The following NRK variants were observed in gnomAD, a reference collection of about 807,000 sequenced individuals.
NRK encodes the protein Nik related kinase, also known as nik-related protein kinase.
A neutral mutation model predicts 125.2 loss-of-function variants in NRK; 67 were observed. The observed-to-expected ratio is 0.54, with a 90% CI of 0.44 to 0.66. The LOEUF (loss-of-function observed/expected upper bound fraction) is 0.66, where lower values mean the gene tolerates loss of function less well. Ranked by LOEUF, NRK falls within the 30% of genes least tolerant of loss-of-function variation. The pLI is 0.00. For missense variants in NRK, 1,224 were observed against 1,192.9 expected (o/e 1.03, Z -0.38); for synonymous variants, 458 against 429.0 (o/e 1.07, Z -0.84).
intron 16 of NRK, among the ~76,000 whole-genome samples, chrX:105,918,312 TCATGCAATCTGGCATTATCCA>T (rs2147760274): frequency 9.0e-6 from 1 of 111,544 alleles, no homozygotes; most frequent in Admixed American, 9.6e-5. Flanking sequence ...GTGCCATGGA[TCATGCAATCTGGCATTATCCA>T]GTTTTAAGCA....
intron 2 of NRK, among the ~76,000 whole-genome samples, chrX:105,876,704 A>G (rs1364714443): frequency 8.9e-6 from 1 of 112,140 alleles, no homozygotes; most frequent in East Asian, 2.8e-4. Context: ...TGTTTAACAC[A>G]AATGTTGTTA....
At chrX:105,851,977 G>C (rs1319811040) in intron 2 of NRK, among the ~76,000 whole-genome samples, 1 of 111,978 alleles carries the variant, frequency 8.9e-6, no homozygotes, top group South Asian at 3.7e-4. Context: ...GATTGATTTG[G>C]CCCATTCAGT....
chrX:105,891,962 T>A (rs1363846733), intron 5 of NRK, among the ~76,000 whole-genome samples: 1 of 112,141 alleles, frequency 8.9e-6, no homozygotes, highest in East Asian at 2.8e-4. Flanking sequence ...CTTACAAGTT[T>A]TTTTTTCCTC....
At chrX:105,887,895 CT>C (rs1341292745) in intron 4 of NRK, among the ~76,000 whole-genome samples, 1 of 111,808 alleles carries the variant, frequency 8.9e-6, no homozygotes, top group Non-Finnish European at 1.9e-5. Flanking sequence ...GATTGCACAA[CT>C]GTATAAATAT....
chrX:105,877,993 T>C (rs2039836604), intron 2 of NRK, among the ~76,000 whole-genome samples: 1 of 111,229 alleles, frequency 9.0e-6, no homozygotes, highest in African/African-American at 3.3e-5. Context: ...GCTAATATTT[T>C]TGATAACCTG....
chrX:105,906,050 T>C (rs2040215124), intron 10 of NRK, among the ~76,000 whole-genome samples: 1 of 111,861 alleles, frequency 8.9e-6, no homozygotes, highest in South Asian at 3.7e-4. Context: ...AAATGAAAAA[T>C]ACAGAGTATG....
chrX:105,882,691 T>C (rs1162426816), intron 4 of NRK, among the ~76,000 whole-genome samples: 8 of 111,174 alleles, frequency 7.2e-5, no homozygotes, highest in African/African-American at 2.6e-4. Context: ...TTTCTAGTTA[T>C]ATTAGAAAGA....
At chrX:105,861,828 G>A (rs2039604634) in intron 2 of NRK, among the ~76,000 whole-genome samples, 1 of 111,523 alleles carries the variant, frequency 9.0e-6, no homozygotes, top group South Asian at 3.8e-4. Context: ...GGAGGCCAAG[G>A]CGGGCAGATC....
intron 19 of NRK, among the ~76,000 whole-genome samples, chrX:105,927,034 C>T (rs1602682231): frequency 9.0e-6 from 1 of 110,776 alleles, no homozygotes; most frequent in South Asian, 3.8e-4. Flanking sequence ...TTGGTATTTT[C>T]ATAAGGATTG....
At position 105,946,340 on chromosome X, in the gene NRK, C is replaced by T. The variant is rs1602702654; in HGVS notation, c.4229C>T (p.Pro1410Leu). Reference protein sequence around the residue: ...LKVFPTLDHKPVTVDLAIGSE... With the variant: ...LKVFPTLDHKLVTVDLAIGSE... ...GTATTTCCAACACTTGATCATAAGC[C>T]AGTGACAGTTGACCTGGCTATTGGT... Residue 1410 changes from proline (P) to leucine (L), a missense_variant, in exon 26 of 29, where the codon CCA (proline) becomes CTA (leucine). Pro to Leu is a moderately conservative substitution (Grantham distance 98). Transcript: ENST00000243300. The T allele has an allele frequency of 8.3e-7, 1 of 1,203,908 alleles. No individual in the cohort carries two copies. Among genetic ancestry groups the T allele is most frequent in the Non-Finnish European group, 1.1e-6 (1 of 889,421 alleles).
In NRK at chrX:105,867,659, A is replaced by G. The variant is rs765356663; in HGVS notation, c.124-12540A>G. Among the ~76,000 whole-genome samples, 5 of 111,682 alleles carry G rather than the reference A, an allele frequency of 4.5e-5. No individual in the cohort carries two copies. The South Asian group carries it at 1.9e-3, about 41-fold the overall frequency. The stretch of plus-strand genomic sequence containing the variant: ...TAATTCAATCAGCTTGTTATACCAG[A>G]TATTTTCGTTATATCTCCCAAATAT... On this transcript the variant is annotated intron_variant, in intron 2 of 28. Transcript: ENST00000243300.
chrX:105,834,450 C>CGTGT (rs751513572), intron 2 of NRK, among the ~76,000 whole-genome samples: 7 of 105,238 alleles, frequency 6.7e-5, no homozygotes, highest in Non-Finnish European at 1.4e-4. Context: ...GAGGTGTGTG[C>CGTGT]GTGTGTGTGT....
intron 2 of NRK, among the ~76,000 whole-genome samples, chrX:105,867,677 C>T (rs113933544): frequency 0.013 from 1,468 of 111,393 alleles, 18 homozygotes; most frequent in Non-Finnish European, 0.024. Flanking sequence ...GTTATATCTC[C>T]CAAATATTAG....
chrX:105,826,045 T>C (rs1231726761), intron 1 of NRK, among the ~76,000 whole-genome samples: 1 of 99,209 alleles, frequency 1.0e-5, no homozygotes, highest in Non-Finnish European at 2.0e-5. Context: ...TCCGTCTCTC[T>C]CTCTCTCTCT....
At chrX:105,918,677 G>T (rs368778735) in intron 16 of NRK, among the ~76,000 whole-genome samples, 1 of 110,301 alleles carries the variant, frequency 9.1e-6, no homozygotes. Flanking sequence ...CTAATACAGG[G>T]CAAACAACTA....
At chrX:105,872,711 C>G (rs1228978312) in intron 2 of NRK, among the ~76,000 whole-genome samples, 3 of 111,449 alleles carry the variant, frequency 2.7e-5, no homozygotes, top group Non-Finnish European at 3.8e-5. Context: ...CAAATACTAA[C>G]CAAATCACCA....
At chrX:105,949,207 CTAAAG>C (rs2040858883) in intron 26 of NRK, among the ~76,000 whole-genome samples, 1 of 111,753 alleles carries the variant, frequency 8.9e-6, no homozygotes, top group African/African-American at 3.2e-5. Flanking sequence ...ACATTAATTA[CTAAAG>C]TATTTATTAA....
chrX:105,958,127 T>C lies in NRK; in HGVS notation c.*2527T>C, dbSNP rs2041000977. The C allele has an allele frequency of 8.9e-6, 1 of 111,910 alleles. No individual in the cohort carries two copies. Among genetic ancestry groups the C allele is most frequent in the Admixed American group, 9.5e-5 (1 of 10,513 alleles). The allele number at this position is 111,910 out of a possible 1,213,427, so 9.2% of individuals were successfully genotyped here. ...AATTTAGGTTTTTCAACAAAGCCCTTGTCTAAAATAAAAGGCATTATTGGA... is the reference window on the plus strand; with the variant it reads ...AATTTAGGTTTTTCAACAAAGCCCTCGTCTAAAATAAAAGGCATTATTGGA... On this transcript the variant is annotated 3_prime_UTR_variant, in exon 29 of 29. Coordinates refer to ENST00000243300, the MANE Select transcript of NRK (RefSeq NM_198465.4).
intron 27 of NRK, 65 bp downstream of exon 27, chrX:105,949,799 C>G (rs944819173): frequency 5.5e-6 from 4 of 721,169 alleles, no homozygotes; most frequent in African/African-American, 4.4e-5. Context: ...AAAAAGTGTC[C>G]TAAGAAAAGA....
Sources: gnomAD v4.1 joint callset for allele counts (sites outside exome capture counted in the v4.1 genomes callset) on GRCh38, gnomAD v4.1.1 for gene constraint, MANE v1.5 for transcripts, NCBI Gene and HGNC (gene_info 2026-07-23, HGNC 2026-07-21) for gene names.